Variants in SCIN observed in about 807,000 individuals in gnomAD.
The protein encoded by SCIN is adseverin.
SCIN carries 91 observed loss-of-function variants against 91.8 expected under a neutral mutation model. That is an observed-to-expected ratio of 0.99 (90% CI 0.84 to 1.18). The LOEUF (loss-of-function observed/expected upper bound fraction) is 1.18, where lower values mean the gene tolerates loss of function less well. SCIN is among the 50% of genes most tolerant of loss of function. The pLI is 0.00. For missense variants in SCIN, 1,087 were observed against 863.9 expected (o/e 1.26, Z -3.24); for synonymous variants, 367 against 312.6 (o/e 1.17, Z -1.84).
At chr7:12,591,737 G>A (rs1274476896) in intron 3 of SCIN, among the ~76,000 whole-genome samples, 1 of 152,108 alleles carries the variant, frequency 6.6e-6, no homozygotes, top group African/African-American at 2.4e-5. Flanking sequence ...TGCTAGCCCT[G>A]GGAAGGAAAG....
chr7:12,594,760 C>G (rs368887847), intron 3 of SCIN, among the ~76,000 whole-genome samples: 1 of 152,126 alleles, frequency 6.6e-6, no homozygotes, highest in African/African-American at 2.4e-5. Flanking sequence ...TCTTGCAGGC[C>G]TTGTATGGAA....
At chr7:12,602,392 C>T (rs1782976445) in intron 3 of SCIN, among the ~76,000 whole-genome samples, 1 of 152,140 alleles carries the variant, frequency 6.6e-6, no homozygotes, top group Admixed American at 6.5e-5. Context: ...TTCAGCTGTG[C>T]ACGTATTATC....
At chr7:12,612,737 G>A (rs1240488680) in intron 4 of SCIN, among the ~76,000 whole-genome samples, 1 of 152,114 alleles carries the variant, frequency 6.6e-6, no homozygotes, top group Non-Finnish European at 1.5e-5. Context: ...TTGGATACCC[G>A]TTTTGTTCCT....
At chr7:12,587,036 A>T (rs777178280) in intron 3 of SCIN, among the ~76,000 whole-genome samples, 11 of 152,192 alleles carry the variant, frequency 7.2e-5, no homozygotes, top group African/African-American at 1.4e-4. Flanking sequence ...TGGTGAATAC[A>T]GTTAACAATA....
chr7:12,574,386 G>C (rs2115199555), intron 1 of SCIN, among the ~76,000 whole-genome samples: 1 of 152,246 alleles, frequency 6.6e-6, no homozygotes, highest in Non-Finnish European at 1.5e-5. Flanking sequence ...GTGAAGAGGG[G>C]ATGATGTGGG....
intron 11 of SCIN, among the ~76,000 whole-genome samples, chr7:12,642,363 A>G (rs1783874215): frequency 6.6e-6 from 1 of 151,890 alleles, no homozygotes; most frequent in Admixed American, 6.6e-5. Flanking sequence ...TTATTTTTCT[A>G]TCTGGAATCA....
In SCIN at chr7:12,604,746, G is replaced by C. The variant is rs1583293844; in HGVS notation, c.666+83G>C. ...GTGGTGTGTGTGTGTGTGTAAGGCA[G>C]CAGGGTGGGGAAGAAGGGGAAAGAG... On this transcript the variant is annotated intron_variant, in intron 4 of 15. Transcript: ENST00000297029. 7 of 1,170,816 alleles carry C rather than the reference G, an allele frequency of 6.0e-6. No homozygotes were observed. In the East Asian group the frequency reaches 1.9e-4, roughly 32 times the overall value. The allele number at this position is 1,170,816 out of a possible 1,614,324, so 72.5% of individuals were successfully genotyped here.
intron 4 of SCIN, among the ~76,000 whole-genome samples, 187 bp downstream of exon 4, chr7:12,604,850 G>A (rs377047071): frequency 6.6e-6 from 1 of 151,978 alleles, no homozygotes; most frequent in African/African-American, 2.4e-5. Flanking sequence ...GATGGAACTG[G>A]GAAAACAGAA....
intron 10 of SCIN, among the ~76,000 whole-genome samples, chr7:12,638,293 T>A (rs2115290521): frequency 6.6e-6 from 1 of 152,318 alleles, no homozygotes; most frequent in South Asian, 2.1e-4. Context: ...TCCCTCTCTC[T>A]CATTCCCTGT....
At position 12,640,396 on chromosome 7, in the gene SCIN, A is replaced by G. The variant is rs772686693; in HGVS notation, c.1460A>G (p.Lys487Arg). 17 of 1,613,226 alleles carry G rather than the reference A, an allele frequency of 1.1e-5. No individual in the cohort carries two copies. The highest frequency in any genetic ancestry group is 1.4e-5 in the Non-Finnish European group (17 of 1,179,522). ...CCTGTTCACCTACTGAGTTTGTTCA[A>G]AGACAAACCGCTCATTATTTACAAG... ...KEPVHLLSLF[K>R]DKPLIIYKNG... The change falls in exon 11 of 16, where the codon AAA (lysine) becomes AGA (arginine). Residue 487 changes from lysine (K) to arginine (R), a missense_variant. Coordinates refer to ENST00000297029, the MANE Select transcript of SCIN (RefSeq NM_001112706.3).
At chr7:12,628,030 CGCGTGTGT>C (rs1185845691) in intron 8 of SCIN, among the ~76,000 whole-genome samples, 36 of 81,158 alleles carry the variant, frequency 4.4e-4, no homozygotes, top group African/African-American at 1.5e-3. Flanking sequence ...CAAGTGTGCG[CGCGTGTGT>C]GTGTGTGTGT....
intron 4 of SCIN, among the ~76,000 whole-genome samples, chr7:12,612,617 A>G (rs930094204): frequency 1.4e-4 from 21 of 152,198 alleles, no homozygotes; most frequent in Non-Finnish European, 2.8e-4. Context: ...CCAGCTATTT[A>G]GATCTACCAT....
rs376349889 is a variant in SCIN, at chr7:12,640,467, C to T, written c.1531C>T (p.Arg511Cys). ...AGGTCAGGCACCTGCTCCCCCTACACGCCTCTTTCAAGTCCGGAGAAACCT... is the reference window on the plus strand; with the variant it reads ...AGGTCAGGCACCTGCTCCCCCTACATGCCTCTTTCAAGTCCGGAGAAACCT... Reference protein sequence around the residue: ...KGGQAPAPPTRLFQVRRNLAS... With the variant: ...KGGQAPAPPTCLFQVRRNLAS... The change falls in exon 11 of 16, where the codon CGC (arginine) becomes TGC (cysteine). Residue 511 changes from arginine to cysteine, a missense_variant. Arg to Cys is a radical substitution (Grantham distance 180). Transcript: ENST00000297029. 4.5e-5 allele frequency: 72 copies of T among 1,613,118 alleles called. No individual in the cohort carries two copies. The highest frequency in any genetic ancestry group is 1.5e-4 in the South Asian group (14 of 90,944).
chr7:12,609,637 T>C (rs1244096602), intron 4 of SCIN, among the ~76,000 whole-genome samples: 1 of 152,198 alleles, frequency 6.6e-6, no homozygotes, highest in Admixed American at 6.5e-5. Context: ...GGCAAGTTGT[T>C]TGAAACAACA....
chr7:12,616,061 A>G (rs1783293605), intron 4 of SCIN, among the ~76,000 whole-genome samples: 1 of 152,178 alleles, frequency 6.6e-6, no homozygotes, highest in African/African-American at 2.4e-5. Context: ...TGTTCTCATT[A>G]TAGGGGTGCC....
At chr7:12,608,972 G>A (rs1352740133) in intron 4 of SCIN, among the ~76,000 whole-genome samples, 1 of 152,120 alleles carries the variant, frequency 6.6e-6, no homozygotes, top group African/African-American at 2.4e-5. Context: ...ACATTAAAGT[G>A]CTCAACACTG....
chr7:12,593,151 C>G (rs902902685), intron 3 of SCIN, among the ~76,000 whole-genome samples: 17 of 152,210 alleles, frequency 1.1e-4, no homozygotes, highest in African/African-American at 4.1e-4. Context: ...GGGACATGGC[C>G]CCGTCCAGTG....
chr7:12,646,501 GT>G (rs1449075401), intron 13 of SCIN, among the ~76,000 whole-genome samples: 1 of 152,122 alleles, frequency 6.6e-6, no homozygotes, highest in African/African-American at 2.4e-5. Flanking sequence ...GAGGCTAGGG[GT>G]TTAGCATAGG....
chr7:12,580,023 T>C (rs2115209499), intron 2 of SCIN, among the ~76,000 whole-genome samples: 1 of 152,096 alleles, frequency 6.6e-6, no homozygotes, highest in South Asian at 2.1e-4. Flanking sequence ...TGGGAAATCA[T>C]TTTATATTTT....
Sources: allele counts gnomAD v4.1 joint callset (sites outside exome capture counted in the v4.1 genomes callset), GRCh38; gene constraint gnomAD v4.1.1; transcripts MANE v1.5; gene names NCBI Gene and HGNC (gene_info 2026-07-23, HGNC 2026-07-21).